GSE1: variants seen among roughly 807,000 people sequenced by gnomAD.
GSE1 encodes genetic suppressor element 1.
In GSE1, 32 loss-of-function variants were observed where a neutral mutation model predicts 112.6. The ratio of observed to expected loss-of-function variants is 0.28; its 90% CI spans 0.21 to 0.38. GSE1 has a LOEUF of 0.38. Among genes scored for constraint, GSE1 ranks in the 10% least tolerant of loss-of-function variants. The probability of loss-of-function intolerance (pLI) is 1.00; values close to 1 mark genes in which losing one functional copy is unlikely to be tolerated. For synonymous variants in GSE1, 1,115 were observed against 735.6 expected, an observed-to-expected ratio of 1.52 and a Z score of -8.35; for missense variants, 2,348 against 1,699.2, an observed-to-expected ratio of 1.38 and a Z score of -6.71.
At chr16:85,202,587 A>G (rs2075048106) in intron 1 of GSE1, among the ~76,000 whole-genome samples, 1 of 152,172 alleles carries the variant, frequency 6.6e-6, no homozygotes, top group Admixed American at 6.5e-5. Context: ...ACCCCACCCC[A>G]CACAGGGATG....
chr16:85,350,083 G>C (rs1249620026), intron 1 of GSE1, among the ~76,000 whole-genome samples: 1 of 152,222 alleles, frequency 6.6e-6, no homozygotes, highest in East Asian at 1.9e-4. Flanking sequence ...GAGAATTCAG[G>C]TGGGGTTGCT....
chr16:85,362,513 G>C (rs1198857551), intron 2 of GSE1, among the ~76,000 whole-genome samples: 1 of 152,214 alleles, frequency 6.6e-6, no homozygotes, highest in Non-Finnish European at 1.5e-5. Flanking sequence ...GCCTTCTCAA[G>C]GTTCAGGACC....
intron 2 of GSE1, among the ~76,000 whole-genome samples, chr16:85,470,286 G>A (rs1254436098): frequency 6.6e-6 from 1 of 152,222 alleles, no homozygotes; most frequent in Non-Finnish European, 1.5e-5. Flanking sequence ...TCTTCCCACT[G>A]ACTTGGAGTG....
intron 1 of GSE1, among the ~76,000 whole-genome samples, chr16:85,574,299 A>T (rs2046130857): frequency 6.6e-6 from 1 of 152,202 alleles, no homozygotes; most frequent in African/African-American, 2.4e-5. Flanking sequence ...GGAAAATCCC[A>T]GTGTTCATTA....
At chr16:85,213,316 T>C (rs909053744) in intron 1 of GSE1, among the ~76,000 whole-genome samples, 26 of 150,922 alleles carry the variant, frequency 1.7e-4, no homozygotes, top group Non-Finnish European at 2.4e-4. Context: ...CATGTTGGCA[T>C]GCGTCTGCAT....
In GSE1 at chr16:85,419,818, G is replaced by A. The variant is rs571793781; in HGVS notation, c.2464+62175G>A. Among the ~76,000 whole-genome samples, 4 of 151,966 alleles carry A rather than the reference G, an allele frequency of 2.6e-5. No homozygotes were observed. Among genetic ancestry groups the A allele is most frequent in the South Asian group, 2.1e-4 (1 of 4,790 alleles). On this transcript the variant is annotated intron_variant, in intron 2 of 2. Transcript: ENST00000637419. This position sits in a 1 kb window ranked among gnomAD's most constrained non-coding sequence, Gnocchi z 6.5. Reference sequence around the variant, plus strand: ...ATGGTCCGAGTAGGGCTTCTGCAGGGCCAGCCAGGAACTCCACAGGTGAAG... The same window carrying A: ...ATGGTCCGAGTAGGGCTTCTGCAGGACCAGCCAGGAACTCCACAGGTGAAG...
At chr16:85,243,499 G>T (rs150795717) in intron 1 of GSE1, among the ~76,000 whole-genome samples, 1,934 of 152,352 alleles carry the variant, frequency 0.013, 51 homozygotes, top group African/African-American at 0.044. Flanking sequence ...TTGCTGCCGG[G>T]TGCACGCAGC....
At chr16:85,429,238 C>T (rs1280284371) in intron 2 of GSE1, among the ~76,000 whole-genome samples, 1 of 152,204 alleles carries the variant, frequency 6.6e-6, no homozygotes, top group African/African-American at 2.4e-5. Context: ...GGAGCACCCC[C>T]CAGGATGCCC....
chr16:85,277,528 C>A (rs1320799744), intron 1 of GSE1, among the ~76,000 whole-genome samples: 1 of 152,142 alleles, frequency 6.6e-6, no homozygotes, highest in Admixed American at 6.5e-5. Flanking sequence ...TTCCGGATTT[C>A]TAAAAAACTC....
intron 2 of GSE1, among the ~76,000 whole-genome samples, chr16:85,412,948 C>T (rs1173530823): frequency 2.6e-5 from 4 of 152,220 alleles, no homozygotes; most frequent in Admixed American, 6.5e-5. Flanking sequence ...ACCATGTGTC[C>T]GTGAAGCCAT....
At chr16:85,463,135 C>A in intron 2 of GSE1, 1 of 983,668 alleles carries the variant, frequency 1.0e-6, no homozygotes, top group Non-Finnish European at 1.2e-6. Context: ...AGTAAGTGCC[C>A]AGCTCACCGC....
intron 2 of GSE1, among the ~76,000 whole-genome samples, chr16:85,514,367 AC>A (rs200062336): frequency 6.0e-5 from 5 of 83,672 alleles, no homozygotes; most frequent in South Asian, 4.6e-4. Context: ...GTGGGACACC[AC>A]CCCCCCATCC....
chr16:85,495,818 C>T (rs2051157689), intron 2 of GSE1, among the ~76,000 whole-genome samples: 1 of 152,120 alleles, frequency 6.6e-6, no homozygotes, highest in South Asian at 2.1e-4. Flanking sequence ...CATTTTAAAC[C>T]CCTGCCAGGG....
intron 1 of GSE1, among the ~76,000 whole-genome samples, chr16:85,269,176 GGAGAGATGAAAATAAAT>G (rs1908575405): frequency 6.7e-6 from 1 of 149,374 alleles, no homozygotes; most frequent in South Asian, 2.1e-4. Flanking sequence ...CATCTAATAT[GGAGAGATGAAAATAAAT>G]GAGCCACCCC....
At chr16:85,444,663 C>T (rs994716747) in intron 2 of GSE1, among the ~76,000 whole-genome samples, 2 of 152,106 alleles carry the variant, frequency 1.3e-5, no homozygotes, top group Non-Finnish European at 2.9e-5. Context: ...CCTCTCCATG[C>T]ATGTGCACAC....
At chr16:85,510,665 CTTG>C (rs1231132010) in intron 2 of GSE1, among the ~76,000 whole-genome samples, 2 of 152,214 alleles carry the variant, frequency 1.3e-5, no homozygotes, top group Non-Finnish European at 2.9e-5. Flanking sequence ...TAGCTTTGGC[CTTG>C]TTGTAGGAAC....
chr16:85,387,497 C>T (rs115280453), intron 2 of GSE1, among the ~76,000 whole-genome samples: 1 of 152,266 alleles, frequency 6.6e-6, no homozygotes, highest in South Asian at 2.1e-4. Context: ...CTGGCTTCTT[C>T]CCAGCCTTCA....
intron 2 of GSE1, among the ~76,000 whole-genome samples, chr16:85,388,331 AATGGATGT>A (rs2047746711): frequency 1.9e-4 from 2 of 10,720 alleles, no homozygotes; most frequent in Non-Finnish European, 1.9e-4. Context: ...TGGATGGATG[AATGGATGT>A]ATGGCTGGAT....
In GSE1 at chr16:85,311,317, G is replaced by A. The variant is rs1365829259; in HGVS notation, c.2284-46146G>A. 6.6e-6 allele frequency among the ~76,000 whole-genome samples: 1 copy of A among 152,236 alleles called. No individual in the cohort carries two copies. Among genetic ancestry groups the A allele is most frequent in the East Asian group, 1.9e-4 (1 of 5,186 alleles). ...AGGCAGCGGGCTCCCTGGACAGGGT[G>A]GGCGTCGTTAGAGCAGAAACGGTGG... On this transcript the variant is annotated intron_variant, in intron 1 of 2. Transcript: ENST00000637419. The surrounding 1 kb of genome is among the most constrained non-coding windows in gnomAD (Gnocchi z 4.2).
Sources: gnomAD v4.1 joint callset for allele counts (sites outside exome capture counted in the v4.1 genomes callset) on GRCh38, gnomAD v4.1.1 for gene constraint, Gnocchi (gnomAD v3.1) non-coding constraint, MANE v1.5 for transcripts, NCBI Gene and HGNC (gene_info 2026-07-23, HGNC 2026-07-21) for gene names.